Variants in LSAMP observed in about 807,000 individuals in gnomAD.
LSAMP encodes limbic system associated membrane protein.
LSAMP carries 7 observed loss-of-function variants against 38.6 expected under a neutral mutation model. The ratio of observed to expected loss-of-function variants is 0.18; its 90% CI spans 0.10 to 0.34. The LOEUF is 0.34. Among genes scored for constraint, LSAMP ranks in the 10% least tolerant of loss-of-function variants. The pLI is 1.00. For synonymous variants in LSAMP, 154 were observed against 166.8 expected (o/e 0.92, Z 0.59); for missense variants, 313 against 420.0 (o/e 0.75, Z 2.23).
intron 1 of LSAMP, among the ~76,000 whole-genome samples, chr3:116,086,935 T>C (rs112705867): frequency 1.8e-4 from 27 of 152,358 alleles, no homozygotes; most frequent in Admixed American, 9.8e-4. Context: ...TACTCCATCT[T>C]GAACTGTGTT....
intron 1 of LSAMP, among the ~76,000 whole-genome samples, chr3:116,163,795 C>T (rs1709961514): frequency 6.6e-6 from 1 of 152,026 alleles, no homozygotes; most frequent in Non-Finnish European, 1.5e-5. Flanking sequence ...AAATTTCATG[C>T]CACATTTTTC....
At chr3:116,084,455 CAA>C (rs57753152) in intron 2 of LSAMP, among the ~76,000 whole-genome samples, 1,966 of 102,382 alleles carry the variant, frequency 0.019, 38 homozygotes, top group African/African-American at 0.055. Flanking sequence ...AAAATCATGG[CAA>C]AAAAAAAAAA....
At chr3:116,196,520 C>G (rs1710885620) in intron 1 of LSAMP, among the ~76,000 whole-genome samples, 2 of 152,034 alleles carry the variant, frequency 1.3e-5, no homozygotes, top group African/African-American at 4.8e-5. Flanking sequence ...TTATTTCTCC[C>G]CGATATACTA....
intron 2 of LSAMP, among the ~76,000 whole-genome samples, chr3:116,026,770 A>G (rs1039302829): frequency 6.6e-6 from 1 of 152,174 alleles, no homozygotes; most frequent in Non-Finnish European, 1.5e-5. Context: ...TGCCACATCC[A>G]TGCCCTCCTA....
At chr3:116,366,918 T>C (rs1001119075) in intron 1 of LSAMP, among the ~76,000 whole-genome samples, 5 of 152,174 alleles carry the variant, frequency 3.3e-5, no homozygotes, top group Admixed American at 2.6e-4. Context: ...TGCCTAGACC[T>C]TCACAAAATA....
intron 3 of LSAMP, among the ~76,000 whole-genome samples, chr3:115,993,568 G>A (rs1939731857): frequency 6.6e-6 from 1 of 151,948 alleles, no homozygotes; most frequent in Non-Finnish European, 1.5e-5. Flanking sequence ...GACATGTTAT[G>A]TTAATTTGAT....
At chr3:116,413,021 CG>C (rs1450602956) in intron 1 of LSAMP, among the ~76,000 whole-genome samples, 2 of 152,066 alleles carry the variant, frequency 1.3e-5, no homozygotes, top group African/African-American at 4.8e-5. Flanking sequence ...AGACCAGCCA[CG>C]ACTTCACCTG....
intron 1 of LSAMP, among the ~76,000 whole-genome samples, chr3:116,270,079 T>TTGCCTTATTCATAAAATAAAA (rs1465541330): frequency 6.6e-6 from 1 of 152,200 alleles, no homozygotes; most frequent in Non-Finnish European, 1.5e-5. Flanking sequence ...CCCAATTTAC[T>TTGCCTTATTCATAAAATAAAA]TGCCTTATTC....
intron 3 of LSAMP, among the ~76,000 whole-genome samples, chr3:115,857,883 A>G (rs115126033): frequency 0.015 from 2,263 of 152,254 alleles, 52 homozygotes; most frequent in African/African-American, 0.052. Context: ...GTGTTCCCCA[A>G]TGTGGAGGCA....
chr3:116,313,375 C>A (rs910737369), intron 1 of LSAMP, among the ~76,000 whole-genome samples: 3 of 152,196 alleles, frequency 2.0e-5, no homozygotes, highest in African/African-American at 7.2e-5. Flanking sequence ...GAGGCGGATG[C>A]ACCCAGCAAG....
chr3:116,161,379 C>T (rs552723483), intron 1 of LSAMP, among the ~76,000 whole-genome samples: 4 of 152,166 alleles, frequency 2.6e-5, no homozygotes, highest in East Asian at 1.9e-4. Flanking sequence ...CTGTAAATAG[C>T]GAGTAATATT....
rs907656223 is a variant in LSAMP, at chr3:115,825,828, G to T, written c.920-15414C>A. Among the ~76,000 whole-genome samples, 7 of 152,104 alleles carry T rather than the reference G, an allele frequency of 4.6e-5. No individual in the cohort carries two copies. In the East Asian group the frequency reaches 1.3e-3, roughly 29 times the overall value. On this transcript the variant is annotated intron_variant, in intron 6 of 6. Transcript: ENST00000490035. ...TTATGCTAGAAATGTAGAAATCTTT[G>T]AAGTATTCTAGCTATTCTGAAATGT...
Position 116,249,113 on chromosome 3 carries a change from C to T in LSAMP, c.156-162557G>A, listed in dbSNP as rs1265031781. 3.4e-5 allele frequency among the ~76,000 whole-genome samples: 5 copies of T among 148,784 alleles called. No homozygotes were observed. The East Asian group carries it at 6.1e-4, about 18-fold the overall frequency. On this transcript the variant is annotated intron_variant, in intron 1 of 6. Coordinates refer to ENST00000490035, the MANE Select transcript of LSAMP (RefSeq NM_002338.5). The stretch of plus-strand genomic sequence containing the variant: ...GCAGTGGGCCAAGATCGCGCCACTG[C>T]ACTCCAGCCTGGGTGACAGAGCGAG...
At chr3:116,029,958 T>C (rs937107664) in intron 2 of LSAMP, among the ~76,000 whole-genome samples, 3 of 152,104 alleles carry the variant, frequency 2.0e-5, no homozygotes, top group Non-Finnish European at 2.9e-5. Context: ...TCCAGACAGT[T>C]GCTACCATCA....
chr3:116,378,477 G>C (rs2048519132), intron 1 of LSAMP, among the ~76,000 whole-genome samples: 1 of 152,090 alleles, frequency 6.6e-6, no homozygotes, highest in South Asian at 2.1e-4. Flanking sequence ...TTCCAGTGTA[G>C]AGAATCATTT....
chr3:116,144,482 C>T lies in LSAMP; in HGVS notation c.156-57926G>A, dbSNP rs1709445652. Reference sequence around the variant, plus strand: ...AGGCAGCAGTAAGCCATGAAGGTGCCACTACATTCCAGCCTGGGTGACAGA... The same window carrying T: ...AGGCAGCAGTAAGCCATGAAGGTGCTACTACATTCCAGCCTGGGTGACAGA... On this transcript the variant is annotated intron_variant, in intron 1 of 6. Coordinates refer to ENST00000490035, the MANE Select transcript of LSAMP (RefSeq NM_002338.5). Among the ~76,000 whole-genome samples, 4 of 151,662 alleles carry T rather than the reference C, an allele frequency of 2.6e-5. No individual in the cohort carries two copies. The South Asian group carries it at 8.3e-4, about 32-fold the overall frequency.
intron 1 of LSAMP, among the ~76,000 whole-genome samples, chr3:116,144,295 G>A (rs1487753600): frequency 6.6e-6 from 1 of 151,854 alleles, no homozygotes; most frequent in Non-Finnish European, 1.5e-5. Flanking sequence ...CTAGAACTTT[G>A]GGAGACCAAT....
intron 1 of LSAMP, among the ~76,000 whole-genome samples, chr3:116,149,088 A>T (rs979816665): frequency 6.6e-6 from 1 of 152,002 alleles, no homozygotes; most frequent in East Asian, 1.9e-4. Flanking sequence ...GTTTACAGTT[A>T]GCGGTTTGAG....
At chr3:115,816,321 C>T (rs192278319) in intron 6 of LSAMP, among the ~76,000 whole-genome samples, 46 of 152,266 alleles carry the variant, frequency 3.0e-4, no homozygotes, top group African/African-American at 1.1e-3. Flanking sequence ...CAGAATGAAC[C>T]ATGAATACTT....
Sources: gnomAD v4.1 joint callset for allele counts (sites outside exome capture counted in the v4.1 genomes callset) on GRCh38, gnomAD v4.1.1 for gene constraint, MANE v1.5 for transcripts, NCBI Gene and HGNC (gene_info 2026-07-23, HGNC 2026-07-21) for gene names.